Variants in SLC44A5 observed in about 807,000 individuals in gnomAD.
SLC44A5 encodes the protein solute carrier family 44 member 5, also known as choline transporter-like protein 5.
A neutral mutation model predicts 101.8 loss-of-function variants in SLC44A5; 57 were observed. That is an observed-to-expected ratio of 0.56 (90% CI 0.45 to 0.70). The LOEUF (loss-of-function observed/expected upper bound fraction) is 0.70. Ranked by LOEUF, SLC44A5 falls within the 30% of genes least tolerant of loss-of-function variation. The pLI, the probability that SLC44A5 is intolerant of heterozygous loss-of-function variation, is 0.00. For missense variants in SLC44A5, 737 were observed against 853.1 expected (o/e 0.86, Z 1.70); for synonymous variants, 281 against 290.9 (o/e 0.97, Z 0.35).
chr1:75,251,066 C>T (rs1355858793), intron 7 of SLC44A5, 144 bp downstream of exon 7: 4 of 673,346 alleles, frequency 5.9e-6, no homozygotes, highest in Admixed American at 3.0e-5. Context: ...TAAGCTCATA[C>T]TTATATCTTC....
Position 75,362,233 on chromosome 1 carries a change from T to A in SLC44A5, c.53-22603A>T, listed in dbSNP as rs190736458. 2.3e-3 allele frequency among the ~76,000 whole-genome samples: 350 copies of A among 151,960 alleles called. 1 individual carries two copies. The highest frequency in any genetic ancestry group is 3.4e-3 in the Non-Finnish European group (233 of 67,826). On this transcript the variant is annotated intron_variant, in intron 3 of 23. Coordinates refer to ENST00000370859, the MANE Select transcript of SLC44A5 (RefSeq NM_001130058.2). ...CTAAGGTTTTGTTGACTTGTTTTTTTAAAAAAATGTTCGTTTCATTGATTT... is the reference window on the plus strand; with the variant it reads ...CTAAGGTTTTGTTGACTTGTTTTTTAAAAAAAATGTTCGTTTCATTGATTT...
At chr1:75,408,416 A>G (rs1663047606) in intron 2 of SLC44A5, among the ~76,000 whole-genome samples, 1 of 152,210 alleles carries the variant, frequency 6.6e-6, no homozygotes, top group Admixed American at 6.5e-5. Flanking sequence ...ATGCACACAT[A>G]TGTTTATTGC....
At chr1:75,577,909 A>G (rs1452915278) in intron 1 of SLC44A5, among the ~76,000 whole-genome samples, 1 of 152,134 alleles carries the variant, frequency 6.6e-6, no homozygotes, top group Non-Finnish European at 1.5e-5. Flanking sequence ...CATTTATGTA[A>G]TTTCTCCTAG....
the SLC44A5 span, among the ~76,000 whole-genome samples, chr1:75,643,182 AACTTT>A: frequency 6.6e-6 from 1 of 152,136 alleles, no homozygotes; most frequent in Non-Finnish European, 1.5e-5. Context: ...TAGATCTAGT[AACTTT>A]ACTTATACTA....
the SLC44A5 span, among the ~76,000 whole-genome samples, chr1:75,709,070 T>C: frequency 1.3e-5 from 2 of 152,210 alleles, no homozygotes; most frequent in African/African-American, 4.8e-5. Flanking sequence ...TGCTATGATT[T>C]TGACCTCCCA....
intron 4 of SLC44A5, among the ~76,000 whole-genome samples, chr1:75,320,780 C>T (rs183904708): frequency 1.4e-3 from 217 of 152,156 alleles, no homozygotes; most frequent in African/African-American, 5.0e-3. Context: ...TAACTTTGTA[C>T]CTGAGGTTCC....
At chr1:75,487,235 G>A (rs1293093358) in intron 2 of SLC44A5, among the ~76,000 whole-genome samples, 1 of 152,104 alleles carries the variant, frequency 6.6e-6, no homozygotes, top group Non-Finnish European at 1.5e-5. Context: ...AACAAGTAAA[G>A]AGAAGTAAAT....
rs10711490 is a variant in SLC44A5, at chr1:75,215,261, TAA to T, written c.1728+491_1728+492del. Among the ~76,000 whole-genome samples, 9 of 151,784 alleles carry T rather than the reference TAA, an allele frequency of 5.9e-5. 1 individual carries two copies. The highest frequency in any genetic ancestry group is 2.2e-4 in the African/African-American group (9 of 41,348). ...AATTATATTTCTGGATCCCTTATGT[TAA>T]AAAAAAATATTTAGGAATTTCCATA... On this transcript the variant is annotated intron_variant, in intron 19 of 23. Coordinates refer to ENST00000370859, the MANE Select transcript of SLC44A5 (RefSeq NM_001130058.2).
chr1:75,635,661 TG>T, the SLC44A5 span, among the ~76,000 whole-genome samples: 23 of 38,228 alleles, frequency 6.0e-4, no homozygotes, highest in Admixed American at 4.3e-3. Flanking sequence ...TGTTGTGGGG[TG>T]GGGGGAGGGG....
intron 3 of SLC44A5, among the ~76,000 whole-genome samples, chr1:75,373,760 G>A (rs1324948488): frequency 6.6e-6 from 1 of 152,100 alleles, no homozygotes; most frequent in East Asian, 1.9e-4. Flanking sequence ...TGCCCCACCT[G>A]AGTGTTTTGC....
chr1:75,568,725 T>C (rs555137777), intron 1 of SLC44A5, among the ~76,000 whole-genome samples: 13 of 152,324 alleles, frequency 8.5e-5, no homozygotes, highest in African/African-American at 2.9e-4. Context: ...ATCCCTGCAA[T>C]AGCGTCTTCC....
At chr1:75,408,193 C>A (rs908794247) in intron 2 of SLC44A5, among the ~76,000 whole-genome samples, 40 of 152,062 alleles carry the variant, frequency 2.6e-4, no homozygotes, top group Non-Finnish European at 2.4e-4. Flanking sequence ...GAATGGTGAT[C>A]ATTAAAAAGT....
the SLC44A5 span, among the ~76,000 whole-genome samples, chr1:75,684,327 T>C: frequency 6.6e-6 from 1 of 152,196 alleles, no homozygotes; most frequent in African/African-American, 2.4e-5. Flanking sequence ...AAATCTCATG[T>C]ACTCACATTT....
intron 2 of SLC44A5, chr1:75,398,389 G>C (rs932067933): frequency 4.6e-5 from 45 of 985,238 alleles, no homozygotes; most frequent in Non-Finnish European, 5.2e-5. Context: ...TCAGTGCCGG[G>C]TATAGCAGGA....
At position 75,227,825 on chromosome 1, in the gene SLC44A5, G is replaced by A. The variant is rs1473846869; in HGVS notation, c.886C>T (p.Leu296Phe). ...AATACAGAACTTGGGCGTTCCTGAAGATTGGTGTACTGCTGGTAACAGTGC... is the reference window on the plus strand; with the variant it reads ...AATACAGAACTTGGGCGTTCCTGAAAATTGGTGTACTGCTGGTAACAGTGC... ...IWHCYQQYTN[L>F]QERPSSVLTI... Residue 296 changes from leucine to phenylalanine, a missense_variant, in exon 13 of 24, where the codon CTT (leucine) becomes TTT (phenylalanine). Physicochemically the swap from Leu to Phe is conservative, Grantham distance 22. This residue lies in a region of SLC44A5 where 665 missense variants were observed against 764.4 expected (regional missense o/e 0.87). Transcript: ENST00000370859. The A allele has an allele frequency of 5.0e-6, 8 of 1,599,224 alleles. No individual in the cohort carries two copies. Among genetic ancestry groups the A allele is most frequent in the South Asian group, 3.4e-5 (3 of 87,372 alleles).
At chr1:75,375,531 A>G (rs1660520699) in intron 3 of SLC44A5, among the ~76,000 whole-genome samples, 1 of 152,200 alleles carries the variant, frequency 6.6e-6, no homozygotes, top group Non-Finnish European at 1.5e-5. Context: ...AAGACACATA[A>G]TCATCAGAAT....
At chr1:75,708,465 T>C in the SLC44A5 span, among the ~76,000 whole-genome samples, 20 of 141,884 alleles carry the variant, frequency 1.4e-4, no homozygotes, top group African/African-American at 5.4e-4. Context: ...ACCCAGGAAG[T>C]ATGTGAATTT....
At chr1:75,598,254 T>A (rs1264670791) in intron 1 of SLC44A5, among the ~76,000 whole-genome samples, 1 of 152,070 alleles carries the variant, frequency 6.6e-6, no homozygotes, top group Non-Finnish European at 1.5e-5. Flanking sequence ...AGAATGGCTA[T>A]TATTAAGAAG....
chr1:75,225,361 A>C (rs1022341907), intron 13 of SLC44A5, among the ~76,000 whole-genome samples: 7 of 152,198 alleles, frequency 4.6e-5, no homozygotes, highest in African/African-American at 1.7e-4. Context: ...TACACAATGA[A>C]AAAATTGCCT....
Sources: gnomAD v4.1 joint callset for allele counts (sites outside exome capture counted in the v4.1 genomes callset) on GRCh38, gnomAD v4.1.1 for gene constraint, gnomAD v4.1.1 regional missense constraint, MANE v1.5 for transcripts, NCBI Gene and HGNC (gene_info 2026-07-23, HGNC 2026-07-21) for gene names.